PCDH15: variants seen among roughly 807,000 people sequenced by gnomAD.
PCDH15 encodes the protein protocadherin-15.
PCDH15 carries 129 observed loss-of-function variants against 178.5 expected under a neutral mutation model. The observed-to-expected ratio is 0.72, with a 90% CI of 0.63 to 0.84. The LOEUF is 0.84. Among genes scored for constraint, PCDH15 ranks in the 40% least tolerant of loss-of-function variants. PCDH15 has a pLI of 0.00. For synonymous variants in PCDH15, 800 were observed against 732.0 expected, an observed-to-expected ratio of 1.09 and a Z score of -1.50; for missense variants, 2,230 against 2,099.9, an observed-to-expected ratio of 1.06 and a Z score of -1.21.
chr10:54,548,830 A>G (rs566991509), intron 2 of PCDH15, among the ~76,000 whole-genome samples: 1 of 150,990 alleles, frequency 6.6e-6, no homozygotes, highest in Non-Finnish European at 1.5e-5. Context: ...TGTTTCTTGG[A>G]TTTCTTCCAT....
chr10:54,726,424 GT>G (rs1566051658), intron 1 of PCDH15, among the ~76,000 whole-genome samples: 2,163 of 94,382 alleles, frequency 0.023, 48 homozygotes, highest in East Asian at 0.097. Context: ...TCAGGGGTGT[GT>G]GTGTGTGTGT....
At chr10:55,004,879 G>A (rs1839886601) in intron 2 of PCDH15, among the ~76,000 whole-genome samples, 1 of 152,032 alleles carries the variant, frequency 6.6e-6, no homozygotes, top group African/African-American at 2.4e-5. Context: ...TATGGGGATA[G>A]TTCCAGTATT....
At chr10:55,517,646 G>A (rs1175214698) in intron 2 of PCDH15, among the ~76,000 whole-genome samples, 1 of 152,072 alleles carries the variant, frequency 6.6e-6, no homozygotes, top group Non-Finnish European at 1.5e-5. Context: ...TTGCACTTTT[G>A]AGAATTTACC....
chr10:54,949,102 T>C (rs936034553), intron 2 of PCDH15, among the ~76,000 whole-genome samples: 8 of 151,970 alleles, frequency 5.3e-5, no homozygotes, highest in African/African-American at 1.9e-4. Context: ...ATTATGAGTG[T>C]CTTTGATTTC....
chr10:54,988,083 C>T (rs955084504), intron 2 of PCDH15, among the ~76,000 whole-genome samples: 20 of 152,134 alleles, frequency 1.3e-4, no homozygotes, highest in Admixed American at 1.2e-3. Context: ...CTGCATATGA[C>T]TAGCCAGTTT....
intron 20 of PCDH15, among the ~76,000 whole-genome samples, chr10:54,008,264 C>A (rs1171908564): frequency 1.3e-5 from 2 of 152,020 alleles, no homozygotes; most frequent in African/African-American, 2.4e-5. Flanking sequence ...ACGCCTTGAC[C>A]AAAGGAATGG....
chr10:54,322,175 A>C (rs2133766836), intron 7 of PCDH15, among the ~76,000 whole-genome samples: 1 of 152,124 alleles, frequency 6.6e-6, no homozygotes, highest in Non-Finnish European at 1.5e-5. Flanking sequence ...TTCTGAGTAA[A>C]TGAAATAACA....
At chr10:54,619,131 T>C (rs2093278174) in intron 2 of PCDH15, 1 of 148,714 alleles carries the variant, frequency 6.7e-6, no homozygotes, top group Admixed American at 6.7e-5. Context: ...TTTTATTTTA[T>C]AGGTTTAATC....
rs540154737 is a variant in PCDH15 at position 55,181,409 on chromosome 10, T to A, written c.-155-14758A>T. On this transcript the variant is annotated intron_variant, in intron 1 of 5. Coordinates refer to the PCDH15 transcript ENST00000458638. ...TTCTGTTAAAATATACTAATTAATG[T>A]TTCTTTCTATTGTGATGATACATTG... Among the ~76,000 whole-genome samples, 3 of 152,142 alleles carry A rather than the reference T, an allele frequency of 2.0e-5. No individual in the cohort carries two copies. The South Asian group carries it at 6.2e-4, about 31-fold the overall frequency.
intron 13 of PCDH15, among the ~76,000 whole-genome samples, chr10:54,157,144 C>A (rs1224800837): frequency 6.6e-6 from 1 of 152,202 alleles, no homozygotes; most frequent in African/African-American, 2.4e-5. Flanking sequence ...GACAGTGGCA[C>A]TCTTCTCACA....
intron 13 of PCDH15, among the ~76,000 whole-genome samples, chr10:54,161,731 T>G (rs142102386): frequency 6.6e-6 from 1 of 152,096 alleles, no homozygotes; most frequent in Non-Finnish European, 1.5e-5. Context: ...GAAAATGAGA[T>G]GCCAGACCTC....
chr10:54,031,046 T>C (rs1004275915), intron 18 of PCDH15, among the ~76,000 whole-genome samples: 10 of 152,034 alleles, frequency 6.6e-5, no homozygotes, highest in African/African-American at 2.4e-4. Context: ...ACGCTTCTGC[T>C]TGGAGGTCAA....
At chr10:54,560,395 T>G (rs1042109347) in intron 2 of PCDH15, among the ~76,000 whole-genome samples, 33 of 152,248 alleles carry the variant, frequency 2.2e-4, no homozygotes, top group African/African-American at 7.7e-4. Context: ...TTAAAATCAT[T>G]GCATAATGTT....
In PCDH15 at chr10:54,519,241, G is replaced by T. The variant is rs574707344; in HGVS notation, c.157+8571C>A. 6.6e-5 allele frequency among the ~76,000 whole-genome samples: 10 copies of T among 152,234 alleles called. 1 individual carries two copies. In the South Asian group the frequency reaches 2.1e-3, roughly 32 times the overall value. On this transcript the variant is annotated intron_variant, in intron 3 of 37. Coordinates refer to ENST00000644397, the MANE Select transcript of PCDH15 (RefSeq NM_001384140.1). ...ATGAGGCAGGAGAAGAAAACAAAGG[G>T]TATTCAATTAGGAAAAGAGGAAGTC...
At chr10:55,346,571 A>G (rs1413707792) in intron 2 of PCDH15, among the ~76,000 whole-genome samples, 1 of 152,144 alleles carries the variant, frequency 6.6e-6, no homozygotes, top group African/African-American at 2.4e-5. Flanking sequence ...CAAACTGAAA[A>G]CATTGAATCT....
intron 10 of PCDH15, among the ~76,000 whole-genome samples, chr10:54,202,734 C>A (rs2050364121): frequency 6.6e-6 from 1 of 151,508 alleles, no homozygotes; most frequent in Non-Finnish European, 1.5e-5. Context: ...ATCGCTTGAA[C>A]CCGGGAGGCA....
intron 2 of PCDH15, among the ~76,000 whole-genome samples, chr10:55,551,028 C>T (rs2132087801): frequency 6.6e-6 from 1 of 152,120 alleles, no homozygotes. Flanking sequence ...AATCCTGGCA[C>T]AAATCTTATT....
intron 2 of PCDH15, among the ~76,000 whole-genome samples, chr10:54,972,293 A>G (rs1326254012): frequency 6.6e-6 from 1 of 152,042 alleles, no homozygotes; most frequent in African/African-American, 2.4e-5. Flanking sequence ...TAATCCCAGC[A>G]CTTTGGGAGG....
chr10:54,120,569 T>A (rs930533055), intron 15 of PCDH15, among the ~76,000 whole-genome samples: 2 of 151,770 alleles, frequency 1.3e-5, no homozygotes, highest in Admixed American at 1.3e-4. Flanking sequence ...GTAATGATGC[T>A]CAAAGTAAAG....
Sources: gnomAD v4.1 joint callset for allele counts (sites outside exome capture counted in the v4.1 genomes callset) on GRCh38, gnomAD v4.1.1 for gene constraint, MANE v1.5 for transcripts, NCBI Gene and HGNC (gene_info 2026-07-23, HGNC 2026-07-21) for gene names.